KIF3A: variants seen among roughly 807,000 people sequenced by gnomAD.
The protein encoded by KIF3A is kinesin family member 3A.
KIF3A carries 27 observed loss-of-function variants against 92.6 expected under a neutral mutation model. The ratio of observed to expected loss-of-function variants is 0.29; its 90% CI spans 0.21 to 0.40. The LOEUF is 0.40. Among genes scored for constraint, KIF3A ranks in the 10% least tolerant of loss-of-function variants. The probability of loss-of-function intolerance (pLI) is 1.00; values close to 1 mark genes in which losing one functional copy is unlikely to be tolerated. For missense variants in KIF3A, 581 were observed against 872.6 expected (o/e 0.67, Z 4.21); for synonymous variants, 250 against 275.4 (o/e 0.91, Z 0.92).
At chr5:132,716,783 C>T (rs1265689004) in intron 6 of KIF3A, 62 bp downstream of exon 6, 21 of 1,536,208 alleles carry the variant, frequency 1.4e-5, no homozygotes, top group Non-Finnish European at 1.2e-5. Flanking sequence ...AATTTTCATT[C>T]ATTTATAAAA....
intron 9 of KIF3A, 24 bp downstream of exon 9, chr5:132,710,935 A>G: frequency 6.2e-7 from 1 of 1,613,722 alleles, no homozygotes; most frequent in Non-Finnish European, 8.5e-7. Context: ...ATTTCTACAA[A>G]TCAGATTACT....
At chr5:132,703,673 TTA>T in intron 11 of KIF3A, 54 bp from the exon 12 acceptor site, 1 of 1,308,792 alleles carries the variant, frequency 7.6e-7, no homozygotes, top group East Asian at 2.4e-5. Flanking sequence ...TGTTTCAGAC[TTA>T]TATAAATTAC....
At chr5:132,721,884 A>G (rs1323288570) in intron 4 of KIF3A, among the ~76,000 whole-genome samples, 1 of 152,196 alleles carries the variant, frequency 6.6e-6, no homozygotes, top group Non-Finnish European at 1.5e-5. Flanking sequence ...AATTTTACAC[A>G]TTGAGCTTCC....
chr5:132,716,219 T>C (rs1413461657), intron 7 of KIF3A, 26 bp downstream of exon 7: 4 of 1,552,222 alleles, frequency 2.6e-6, no homozygotes, highest in Non-Finnish European at 3.6e-6. Context: ...TGCCTGATGT[T>C]AACTATATCA....
intron 8 of KIF3A, 139 bp downstream of exon 8, chr5:132,715,618 C>A: frequency 1.7e-6 from 1 of 594,642 alleles, no homozygotes. Context: ...AGTACCAAGT[C>A]ACTTTCTAGA....
At chr5:132,737,315 G>A in intron 1 of KIF3A, 99 bp downstream of exon 1, 2 of 1,370,838 alleles carry the variant, frequency 1.5e-6, no homozygotes, top group Non-Finnish European at 2.0e-6. Context: ...GCCCCACCCA[G>A]GCCGCCTGCC....
chr5:132,692,268 G>C (rs1005757123), downstream of KIF3A, among the ~76,000 whole-genome samples: 1 of 152,198 alleles, frequency 6.6e-6, no homozygotes, highest in Non-Finnish European at 1.5e-5. Flanking sequence ...GAGTCTACTT[G>C]AGGGGAGAGG....
chr5:132,724,792 T>TAAAAA lies in KIF3A; in HGVS notation c.510+1331_510+1335dup, dbSNP rs756540926. Among the ~76,000 whole-genome samples the TAAAAA allele has an allele frequency of 9.2e-4, 59 of 64,312 alleles. 1 individual carries two copies. The highest frequency in any genetic ancestry group is 1.8e-3 in the African/African-American group (17 of 9,382). The allele number at this position is 64,312 out of a possible 152,430, so 42.2% of individuals were successfully genotyped here. A position where few individuals can be genotyped will look rare whatever the true frequency, so the allele number is the denominator to read the frequency against. On this transcript the variant is annotated intron_variant, in intron 4 of 18. Coordinates refer to ENST00000403231, the MANE Select transcript of KIF3A (RefSeq NM_001300791.2). Reference sequence around the variant, plus strand: ...ATGTACCCTAGAACTTAAAGTATAATAAAAAAAAAAAAAAATATATATATA... The same window carrying TAAAAA: ...ATGTACCCTAGAACTTAAAGTATAATAAAAAAAAAAAAAAAAAAAATATATATATA...
chr5:132,720,468 A>G (rs1414252000), intron 5 of KIF3A, 141 bp downstream of exon 5: 4 of 576,972 alleles, frequency 6.9e-6, no homozygotes, highest in Admixed American at 3.3e-5. Context: ...TGCTCTCTAC[A>G]TGGTAAATAA....
chr5:132,692,394 C>G (rs1752687693), downstream of KIF3A: 1 of 152,186 alleles, frequency 6.6e-6, no homozygotes, highest in African/African-American at 2.4e-5. Context: ...ATGTAACAAA[C>G]CTTCACATGT....
At chr5:132,710,893 T>C in intron 9 of KIF3A, 66 bp downstream of exon 9, 1 of 1,603,684 alleles carries the variant, frequency 6.2e-7, no homozygotes, top group South Asian at 1.1e-5. Flanking sequence ...AAAATAAAAG[T>C]CATGCACTCT....
At chr5:132,717,273 C>T (rs1383616398) in intron 5 of KIF3A, among the ~76,000 whole-genome samples, 1 of 151,956 alleles carries the variant, frequency 6.6e-6, no homozygotes, top group Non-Finnish European at 1.5e-5. Context: ...ACCAAAAAAC[C>T]ACATTAATTG....
chr5:132,716,825 A>G lies in KIF3A; in HGVS notation c.756+20T>C. On this transcript the variant is annotated intron_variant, in intron 6 of 18. Transcript: ENST00000403231. ...GATCACAAGAAAGAGTTATTCCTTA[A>G]GCAGTGTCCTGTTACTTACAGCAAG... 6.2e-7 allele frequency: 1 copy of G among 1,609,866 alleles called. No homozygotes were observed. Among genetic ancestry groups the G allele is most frequent in the Non-Finnish European group, 8.5e-7 (1 of 1,178,350 alleles).
At chr5:132,716,004 A>G in intron 7 of KIF3A, 73 bp from the exon 8 acceptor site, 1 of 1,100,868 alleles carries the variant, frequency 9.1e-7, no homozygotes, top group Non-Finnish European at 1.3e-6. Flanking sequence ...CATTACAAAT[A>G]CATCAAAAAC....
chr5:132,713,197 CAAAG>C (rs985792488), intron 8 of KIF3A, among the ~76,000 whole-genome samples: 4 of 151,750 alleles, frequency 2.6e-5, no homozygotes, highest in African/African-American at 9.7e-5. Context: ...AACAACAAAA[CAAAG>C]AAAGCATGAC....
chr5:132,737,247 C>A (rs939423211), intron 1 of KIF3A, among the ~76,000 whole-genome samples, 167 bp downstream of exon 1: 1 of 152,226 alleles, frequency 6.6e-6, no homozygotes, highest in Non-Finnish European at 1.5e-5. Flanking sequence ...CCCCCGCGGC[C>A]CCGGGGCTGA....
chr5:132,703,352 C>CT (rs1286720084), intron 12 of KIF3A, 111 bp downstream of exon 12: 2 of 905,468 alleles, frequency 2.2e-6, no homozygotes, highest in Non-Finnish European at 3.3e-6. Context: ...AATAGCTACA[C>CT]TGGAGACAAA....
chr5:132,733,559 G>A (rs767654689), intron 2 of KIF3A, among the ~76,000 whole-genome samples: 1 of 152,216 alleles, frequency 6.6e-6, no homozygotes, highest in Non-Finnish European at 1.5e-5. Flanking sequence ...CTTGAGCCTA[G>A]GAGTTCAAGA....
chr5:132,726,323 AAT>A lies in KIF3A; in HGVS notation c.425+29_425+30del, dbSNP rs773608523. 60 of 1,609,196 alleles carry A rather than the reference AAT, an allele frequency of 3.7e-5. 1 individual carries two copies. In the Middle Eastern group the frequency reaches 4.9e-4, roughly 13 times the overall value. On this transcript the variant is annotated intron_variant, in intron 3 of 18. Coordinates refer to ENST00000403231, the MANE Select transcript of KIF3A (RefSeq NM_001300791.2). Reference sequence around the variant, plus strand: ...TGCCTTTCCAGTGTTTGTACTTCTCAATATCAGAAAATAAAAGAATTCCCTTT... The same window carrying A: ...TGCCTTTCCAGTGTTTGTACTTCTCAATCAGAAAATAAAAGAATTCCCTTT...
Sources: allele counts gnomAD v4.1 joint callset (sites outside exome capture counted in the v4.1 genomes callset), GRCh38; gene constraint gnomAD v4.1.1; transcripts MANE v1.5; gene names NCBI Gene and HGNC (gene_info 2026-07-23, HGNC 2026-07-21).